ZNF385D: variants seen among roughly 807,000 people sequenced by gnomAD.
The protein encoded by ZNF385D is zinc finger protein 659.
ZNF385D carries 15 observed loss-of-function variants against 35.8 expected under a neutral mutation model. That is an observed-to-expected ratio of 0.42 (90% CI 0.28 to 0.64). The LOEUF is 0.64. Among genes scored for constraint, ZNF385D ranks in the 30% least tolerant of loss-of-function variants. ZNF385D has a pLI of 0.23. For synonymous variants in ZNF385D, 212 were observed against 186.8 expected (o/e 1.13, Z -1.10); for missense variants, 474 against 494.6 (o/e 0.96, Z 0.39).
At chr3:22,041,487 A>C (rs542695040) in intron 3 of ZNF385D, among the ~76,000 whole-genome samples, 2 of 152,306 alleles carry the variant, frequency 1.3e-5, no homozygotes, top group Admixed American at 1.3e-4. Flanking sequence ...CGACTACAAA[A>C]TTCAAAACAA....
intron 3 of ZNF385D, among the ~76,000 whole-genome samples, chr3:22,142,363 A>C (rs1198817747): frequency 2.0e-5 from 3 of 152,372 alleles, no homozygotes; most frequent in Non-Finnish European, 4.4e-5. Flanking sequence ...TATTATCTCC[A>C]TAGCTCTTTT....
chr3:22,262,350 G>T (rs1700675605), intron 2 of ZNF385D, among the ~76,000 whole-genome samples: 1 of 151,886 alleles, frequency 6.6e-6, no homozygotes, highest in Non-Finnish European at 1.5e-5. Flanking sequence ...GAATGGGTAA[G>T]AAATAAAGAC....
chr3:21,495,322 G>T (rs1301231672), intron 4 of ZNF385D, among the ~76,000 whole-genome samples: 1 of 151,824 alleles, frequency 6.6e-6, no homozygotes, highest in Non-Finnish European at 1.5e-5. Context: ...TAGAGAGCTG[G>T]CAGAGAAATA....
At chr3:21,897,374 A>T (rs1226237961) in intron 3 of ZNF385D, among the ~76,000 whole-genome samples, 1 of 152,184 alleles carries the variant, frequency 6.6e-6, no homozygotes, top group Non-Finnish European at 1.5e-5. Context: ...AGGAGATCCA[A>T]TGTGCTTCTT....
intron 3 of ZNF385D, among the ~76,000 whole-genome samples, chr3:21,832,160 TACTC>T (rs1466010519): frequency 2.1e-4 from 32 of 152,294 alleles, no homozygotes; most frequent in Non-Finnish European, 3.5e-4. Flanking sequence ...AATTTTACAA[TACTC>T]ACTATGTTAA....
chr3:21,523,627 C>T (rs1258082003), intron 3 of ZNF385D, among the ~76,000 whole-genome samples: 2 of 152,002 alleles, frequency 1.3e-5, no homozygotes, highest in African/African-American at 2.4e-5. Context: ...TGCTTATATC[C>T]CCAAATGTGA....
intron 3 of ZNF385D, among the ~76,000 whole-genome samples, chr3:22,030,290 TATATA>T (rs1697900569): frequency 1.9e-5 from 2 of 102,802 alleles, no homozygotes; most frequent in African/African-American, 8.1e-5. Flanking sequence ...TATATATATA[TATATA>T]TATATATCCT....
chr3:22,070,533 G>C (rs539195249), intron 3 of ZNF385D, among the ~76,000 whole-genome samples: 3 of 152,170 alleles, frequency 2.0e-5, no homozygotes, highest in African/African-American at 4.8e-5. Context: ...TTCTATGAAA[G>C]TTCTTCCCAT....
At chr3:21,494,500 G>A (rs995948171) in intron 4 of ZNF385D, among the ~76,000 whole-genome samples, 4 of 152,254 alleles carry the variant, frequency 2.6e-5, no homozygotes, top group African/African-American at 9.6e-5. Flanking sequence ...GGAAGATTAA[G>A]TTTAAGTGTT....
At chr3:21,744,187 T>A (rs954686742) in intron 1 of ZNF385D, among the ~76,000 whole-genome samples, 1 of 152,184 alleles carries the variant, frequency 6.6e-6, no homozygotes, top group Admixed American at 6.5e-5. Flanking sequence ...ATAGGAATAA[T>A]TATATTTTGT....
intron 3 of ZNF385D, among the ~76,000 whole-genome samples, chr3:21,970,755 G>T (rs1703199189): frequency 1.3e-5 from 2 of 152,016 alleles, no homozygotes; most frequent in South Asian, 4.2e-4. Context: ...AAGACTGCCT[G>T]AAGGCATTTG....
chr3:21,434,604 C>A (rs895387911), intron 5 of ZNF385D, among the ~76,000 whole-genome samples: 2 of 152,116 alleles, frequency 1.3e-5, no homozygotes, highest in African/African-American at 4.8e-5. Context: ...GTTCAAGTTA[C>A]AAATAATAGA....
At chr3:22,149,521 C>A (rs993997646) in intron 3 of ZNF385D, among the ~76,000 whole-genome samples, 1 of 152,116 alleles carries the variant, frequency 6.6e-6, no homozygotes, top group South Asian at 2.1e-4. Context: ...GTTTCTGATA[C>A]AATATATTTG....
Position 21,416,978 on chromosome 3 carries a change from A to G in ZNF385D, c.*4236T>C, listed in dbSNP as rs1700572058. On this transcript the variant is annotated 3_prime_UTR_variant, in exon 8 of 8. Transcript: ENST00000281523. Reference sequence around the variant, plus strand: ...TTACATTCTTGACTGGGAAAATAGAAGTAGCATATCTTACATGATGTTGGC... The same window carrying G: ...TTACATTCTTGACTGGGAAAATAGAGGTAGCATATCTTACATGATGTTGGC... 1 of 152,114 alleles carries G rather than the reference A, an allele frequency of 6.6e-6. No homozygotes were observed. The highest frequency in any genetic ancestry group is 1.5e-5 in the Non-Finnish European group (1 of 68,014). 9.4% of individuals were successfully genotyped at this position (152,114 alleles called of 1,614,324 possible).
intron 3 of ZNF385D, among the ~76,000 whole-genome samples, chr3:21,544,161 C>T (rs1194887951): frequency 6.6e-6 from 1 of 152,188 alleles, no homozygotes; most frequent in Admixed American, 6.5e-5. Context: ...GCCCTAAAGA[C>T]TTAGTAAAAT....
rs542525885 is a variant in ZNF385D, at chr3:21,765,705, G to A, written c.326-100677C>T. Among the ~76,000 whole-genome samples the A allele has an allele frequency of 9.0e-5, 13 of 144,088 alleles. No homozygotes were observed. The East Asian group carries it at 1.3e-3, about 14-fold the overall frequency. 94.5% of individuals were successfully genotyped at this position (144,088 alleles called of 152,430 possible). The stretch of plus-strand genomic sequence containing the variant: ...TATAAGTGCGTGCGTGCATGCACAC[G>A]CACACACATACACACACAGAGAGAG... On this transcript the variant is annotated intron_variant, in intron 3 of 5. Transcript: ENST00000494108.
intron 3 of ZNF385D, among the ~76,000 whole-genome samples, chr3:22,118,713 C>G (rs962627759): frequency 5.3e-5 from 8 of 151,948 alleles, no homozygotes; most frequent in Non-Finnish European, 1.0e-4. Flanking sequence ...GTCTCTGAAG[C>G]CTGATATCCT....
chr3:22,289,798 T>C (rs954036936), intron 2 of ZNF385D, among the ~76,000 whole-genome samples: 2 of 152,076 alleles, frequency 1.3e-5, no homozygotes, highest in African/African-American at 2.4e-5. Flanking sequence ...GAGTAATCGA[T>C]AGACCTGGAT....
In ZNF385D at chr3:22,072,514, C is replaced by T. The variant is rs980604390; in HGVS notation, c.325+96303G>A. Among the ~76,000 whole-genome samples, 9 of 152,074 alleles carry T rather than the reference C, an allele frequency of 5.9e-5. 1 individual carries two copies. In the East Asian group the frequency reaches 1.5e-3, roughly 26 times the overall value. ...AGCTGGTACTGAAAGAAGTATTATA[C>T]TTACTAACTTTTCTTCTATGGAGAT... is the stretch of plus-strand genomic sequence containing the variant. On this transcript the variant is annotated intron_variant, in intron 3 of 5. Transcript: ENST00000494108.
Sources: allele counts gnomAD v4.1 joint callset (sites outside exome capture counted in the v4.1 genomes callset), GRCh38; gene constraint gnomAD v4.1.1; transcripts MANE v1.5; gene names NCBI Gene and HGNC (gene_info 2026-07-23, HGNC 2026-07-21).